Variants in FLVCR1 observed in about 807,000 individuals in gnomAD.
FLVCR1 encodes FLVCR choline and heme transporter 1.
Under a neutral mutation model 53.6 loss-of-function variants are expected in FLVCR1, and 34 were observed. The ratio of observed to expected loss-of-function variants is 0.63; its 90% CI spans 0.48 to 0.84. FLVCR1 has a LOEUF of 0.84. Among genes scored for constraint, FLVCR1 ranks in the 40% least tolerant of loss-of-function variants. The pLI, the probability that FLVCR1 is intolerant of heterozygous loss-of-function variation, is 0.00. For synonymous variants in FLVCR1, 300 were observed against 286.3 expected (o/e 1.05, Z -0.48); for missense variants, 677 against 696.7 (o/e 0.97, Z 0.32).
intron 3 of FLVCR1, among the ~76,000 whole-genome samples, chr1:212,881,841 T>C (rs1255757153): frequency 6.6e-6 from 1 of 152,172 alleles, no homozygotes; most frequent in Non-Finnish European, 1.5e-5. Context: ...TAAAAATAAC[T>C]CCTACAAATC....
chr1:212,893,868 T>C (rs897383562), intron 8 of FLVCR1, among the ~76,000 whole-genome samples: 13 of 152,158 alleles, frequency 8.5e-5, no homozygotes, highest in Admixed American at 4.6e-4. Flanking sequence ...CTCTGCCTCC[T>C]GGGTTCAAGT....
chr1:212,889,639 C>A (rs1665140210), intron 8 of FLVCR1, among the ~76,000 whole-genome samples: 1 of 151,782 alleles, frequency 6.6e-6, no homozygotes, highest in Non-Finnish European at 1.5e-5. Flanking sequence ...ACACGTGTAG[C>A]CCCAGCTACT....
chr1:212,870,482 G>C (rs1310948865), intron 2 of FLVCR1, among the ~76,000 whole-genome samples: 1 of 152,110 alleles, frequency 6.6e-6, no homozygotes, highest in Non-Finnish European at 1.5e-5. Context: ...TGGAGTTTCT[G>C]ATTCATTGAG....
intron 1 of FLVCR1, among the ~76,000 whole-genome samples, chr1:212,861,044 C>G (rs1264906510): frequency 6.6e-6 from 1 of 152,136 alleles, no homozygotes; most frequent in Admixed American, 6.6e-5. Flanking sequence ...AAATCTGTTC[C>G]GGGCACATCC....
chr1:212,866,679 T>C (rs1664442946), intron 2 of FLVCR1, among the ~76,000 whole-genome samples: 1 of 152,160 alleles, frequency 6.6e-6, no homozygotes, highest in Non-Finnish European at 1.5e-5. Flanking sequence ...CCTTTGTTAT[T>C]TGAGAAATTA....
chr1:212,874,317 A>G (rs1046026560), intron 3 of FLVCR1, among the ~76,000 whole-genome samples: 2 of 152,014 alleles, frequency 1.3e-5, no homozygotes, highest in Non-Finnish European at 2.9e-5. Context: ...CTTTCCTGGA[A>G]TATTTTAAAG....
chr1:212,858,334 A>G lies in FLVCR1; in HGVS notation c.-119A>G. ...CGGTTCGCGGCGCGCGCCACCGGGG[A>G]AGGAGCGGTGGGCCGAGGGGTTGGA... is the stretch of plus-strand genomic sequence containing the variant. On this transcript the variant is annotated 5_prime_UTR_variant, in exon 1 of 10. Transcript: ENST00000366971. 1.0e-6 allele frequency: 1 copy of G among 990,272 alleles called. No homozygotes were observed. Among genetic ancestry groups the G allele is most frequent in the Non-Finnish European group, 1.4e-6 (1 of 712,702 alleles). The allele number at this position is 990,272 out of a possible 1,614,324, so 61.3% of individuals were successfully genotyped here.
chr1:212,860,087 A>T (rs1287089514), intron 1 of FLVCR1, among the ~76,000 whole-genome samples: 1 of 151,916 alleles, frequency 6.6e-6, no homozygotes, highest in Non-Finnish European at 1.5e-5. Flanking sequence ...GTCTGAGACC[A>T]GCCTGGCCAA....
At chr1:212,860,731 C>G (rs1642305854) in intron 1 of FLVCR1, among the ~76,000 whole-genome samples, 1 of 152,120 alleles carries the variant, frequency 6.6e-6, no homozygotes, top group South Asian at 2.1e-4. Context: ...GGAATGTGGT[C>G]TGAATGTACA....
chr1:212,893,089 T>C (rs1285245072), intron 8 of FLVCR1, among the ~76,000 whole-genome samples: 1 of 149,448 alleles, frequency 6.7e-6, no homozygotes, highest in Admixed American at 6.8e-5. Flanking sequence ...GGAATGTTGC[T>C]GTGTTGCCCA....
Position 212,858,304 on chromosome 1 carries a change from G to T in FLVCR1, c.-149G>T. The T allele has an allele frequency of 1.3e-6, 1 of 775,062 alleles. No homozygotes were observed. The allele number at this position is 775,062 out of a possible 1,614,324, so 48.0% of individuals were successfully genotyped here. ...CTTCATCTGTTCACGCGGTAGCGCGGATTGCGGTTCGCGGCGCGCGCCACC... is the reference window on the plus strand; with the variant it reads ...CTTCATCTGTTCACGCGGTAGCGCGTATTGCGGTTCGCGGCGCGCGCCACC... On this transcript the variant is annotated 5_prime_UTR_variant, in exon 1 of 10. Transcript: ENST00000366971.
chr1:212,882,342 A>G (rs1664953290), intron 3 of FLVCR1, among the ~76,000 whole-genome samples: 1 of 152,218 alleles, frequency 6.6e-6, no homozygotes, highest in South Asian at 2.1e-4. Flanking sequence ...ACATGGATAC[A>G]TCTCAAAACC....
chr1:212,883,321 T>A (rs1230123850), intron 3 of FLVCR1, 50 bp from the exon 4 acceptor site: 1 of 995,242 alleles, frequency 1.0e-6, no homozygotes, highest in Non-Finnish European at 1.6e-6. Flanking sequence ...AGTATTCTCT[T>A]TATTATTGTA....
At chr1:212,877,110 G>A (rs979450745) in intron 3 of FLVCR1, among the ~76,000 whole-genome samples, 2 of 130,722 alleles carry the variant, frequency 1.5e-5, no homozygotes, top group African/African-American at 2.8e-5. Context: ...TTTTTTTCAT[G>A]TTTCTTGGCC....
chr1:212,859,708 ACT>A (rs1664160741), intron 1 of FLVCR1, among the ~76,000 whole-genome samples: 1 of 151,672 alleles, frequency 6.6e-6, no homozygotes. Flanking sequence ...ACAGAGTGAG[ACT>A]CTGTCTCAAA....
intron 1 of FLVCR1, 95 bp from the exon 2 acceptor site, chr1:212,863,630 T>G: frequency 3.6e-6 from 4 of 1,110,464 alleles, no homozygotes; most frequent in Non-Finnish European, 4.1e-6. Flanking sequence ...AGCACCTTTA[T>G]AAACACTAGC....
intron 2 of FLVCR1, among the ~76,000 whole-genome samples, chr1:212,871,357 G>T (rs1359076989): frequency 6.6e-6 from 1 of 152,138 alleles, no homozygotes; most frequent in Non-Finnish European, 1.5e-5. Flanking sequence ...AATTTCTGCT[G>T]TACCATATTT....
intron 8 of FLVCR1, among the ~76,000 whole-genome samples, chr1:212,890,668 C>T (rs983670059): frequency 3.3e-5 from 5 of 152,100 alleles, no homozygotes; most frequent in African/African-American, 1.2e-4. Context: ...CCCGCAGATA[C>T]CAAGGGAGGT....
chr1:212,871,921 G>A (rs946285280), intron 2 of FLVCR1, among the ~76,000 whole-genome samples: 11 of 152,110 alleles, frequency 7.2e-5, no homozygotes, highest in African/African-American at 2.7e-4. Context: ...CTTTCCATAT[G>A]AAGCTCAAGT....
Sources: allele counts gnomAD v4.1 joint callset (sites outside exome capture counted in the v4.1 genomes callset), GRCh38; gene constraint gnomAD v4.1.1; transcripts MANE v1.5; gene names NCBI Gene and HGNC (gene_info 2026-07-23, HGNC 2026-07-21).